Variants in CYREN observed in about 807,000 individuals in gnomAD.
CYREN encodes cell cycle regulator of NHEJ.
In CYREN, 7 loss-of-function variants were observed where a neutral mutation model predicts 9.7. The observed-to-expected ratio is 0.72, with a 90% confidence interval of 0.41 to 1.36. CYREN has a LOEUF of 1.36. CYREN is among the 40% of genes most tolerant of loss of function. The pLI is 0.01. For synonymous variants in CYREN, 76 were observed against 77.9 expected (o/e 0.98, Z 0.13); for missense variants, 215 against 198.1 (o/e 1.09, Z -0.51).
rs186687806 is a variant in CYREN at position 135,129,046 on chromosome 7, T to C, written n.357-34464A>G. On this transcript the variant is annotated intron_variant and non_coding_transcript_variant, in intron 2 of 2. Transcript: ENST00000459937. ...GAAATCCAGATCAGAGATGGCCAGGTTCAATGCCTCAACTGCCCAGAACCA... is the reference window on the plus strand; with the variant it reads ...GAAATCCAGATCAGAGATGGCCAGGCTCAATGCCTCAACTGCCCAGAACCA... 2.5e-6 allele frequency: 4 copies of C among 1,608,688 alleles called. No individual in the cohort carries two copies. The East Asian group carries it at 8.9e-5, about 36-fold the overall frequency.
At chr7:135,162,114 TCTTTA>T (rs1757542790), downstream of CYREN, among the ~76,000 whole-genome samples, 1 of 152,222 alleles carries the variant, frequency 6.6e-6, no homozygotes, top group African/African-American at 2.4e-5. Flanking sequence ...TGTTCCATGT[TCTTTA>T]TTTTCCCCAC....
downstream of CYREN, chr7:135,164,826 G>A (rs770078926): frequency 1.2e-5 from 20 of 1,613,704 alleles, no homozygotes; most frequent in South Asian, 3.3e-5. Flanking sequence ...GCTGCTGGCA[G>A]GCGGCCTGGG....
At chr7:135,172,355 A>G (rs1193552641), upstream of CYREN, among the ~76,000 whole-genome samples, 1 of 149,688 alleles carries the variant, frequency 6.7e-6, no homozygotes, top group Admixed American at 6.7e-5. Context: ...ATTTTTTGGT[A>G]CTCGGATTTT....
At chr7:135,158,139 T>A (rs183533306) in intron 2 of CYREN, among the ~76,000 whole-genome samples, 37 of 152,112 alleles carry the variant, frequency 2.4e-4, no homozygotes, top group Admixed American at 5.9e-4. Context: ...AGCATTAAAC[T>A]CTCAAAATGG....
intron 2 of CYREN, among the ~76,000 whole-genome samples, chr7:135,131,826 A>T (rs993198308): frequency 1.3e-5 from 2 of 152,162 alleles, no homozygotes; most frequent in African/African-American, 4.8e-5. Context: ...AGAAAAAAAG[A>T]CATAAATTAC....
intron 2 of CYREN, among the ~76,000 whole-genome samples, chr7:135,098,628 C>G (rs1182900022): frequency 2.0e-5 from 3 of 152,074 alleles, no homozygotes; most frequent in African/African-American, 7.2e-5. Flanking sequence ...GTAATGTGGG[C>G]TTGATAAGAG....
At chr7:135,153,255 A>G (rs1158205540) in intron 2 of CYREN, 1 of 152,260 alleles carries the variant, frequency 6.6e-6, no homozygotes, top group Non-Finnish European at 1.5e-5. Context: ...GGAGATCGAG[A>G]CCATCCTGGC....
intron 2 of CYREN, among the ~76,000 whole-genome samples, chr7:135,148,989 T>C (rs1446176709): frequency 1.3e-5 from 2 of 152,200 alleles, no homozygotes; most frequent in Non-Finnish European, 2.9e-5. Context: ...ACATATTTCC[T>C]TCTTCCCTCA....
chr7:135,127,968 T>TATAC (rs1828123372), intron 2 of CYREN, among the ~76,000 whole-genome samples: 1 of 152,052 alleles, frequency 6.6e-6, no homozygotes, highest in Admixed American at 6.5e-5. Context: ...AATGTGGCCA[T>TATAC]ATACACCATG....
At chr7:135,118,315 T>C (rs576824956) in intron 2 of CYREN, among the ~76,000 whole-genome samples, 1 of 152,314 alleles carries the variant, frequency 6.6e-6, no homozygotes, top group Admixed American at 6.5e-5. Flanking sequence ...AAGGAACCTC[T>C]TATGAAAGTA....
chr7:135,170,929 C>G (rs1052222650), upstream of CYREN: 3 of 152,238 alleles, frequency 2.0e-5, no homozygotes, highest in Admixed American at 2.0e-4. Flanking sequence ...GGAACGCCAG[C>G]GAGGCAGCGC....
chr7:135,128,747 C>A, intron 2 of CYREN: 2 of 1,366,994 alleles, frequency 1.5e-6, no homozygotes, highest in Admixed American at 1.8e-5. Context: ...ACAGCTCAAG[C>A]CTCTCCCAAC....
chr7:135,130,809 C>T (rs1490204424), intron 2 of CYREN, among the ~76,000 whole-genome samples: 1 of 151,990 alleles, frequency 6.6e-6, no homozygotes, highest in African/African-American at 2.4e-5. Context: ...TTTTTTGCAA[C>T]AGCAGTGTTT....
intron 2 of CYREN, among the ~76,000 whole-genome samples, chr7:135,142,019 CTGT>C (rs1829462588): frequency 6.6e-6 from 1 of 152,006 alleles, no homozygotes; most frequent in Non-Finnish European, 1.5e-5. Flanking sequence ...AATGTATATT[CTGT>C]TGTTGTTGGG....
At chr7:135,123,259 A>C (rs192026341) in intron 2 of CYREN, among the ~76,000 whole-genome samples, 37 of 152,208 alleles carry the variant, frequency 2.4e-4, no homozygotes, top group African/African-American at 8.7e-4. Context: ...CACAAGTATC[A>C]ATAGCCGAAT....
At chr7:135,134,428 C>T (rs1829199957) in intron 2 of CYREN, among the ~76,000 whole-genome samples, 1 of 151,894 alleles carries the variant, frequency 6.6e-6, no homozygotes. Context: ...GATTTTTTTA[C>T]TGGTTATAGA....
chr7:135,099,719 C>A (rs1449008911), intron 2 of CYREN, among the ~76,000 whole-genome samples: 2 of 152,044 alleles, frequency 1.3e-5, no homozygotes, highest in African/African-American at 4.8e-5. Context: ...TCATATTCTA[C>A]ATAGTATCTG....
chr7:135,117,332 A>C (rs1826461071), intron 2 of CYREN, among the ~76,000 whole-genome samples: 1 of 150,770 alleles, frequency 6.6e-6, no homozygotes, highest in African/African-American at 2.4e-5. Context: ...CCTAGACCCT[A>C]TTCATTTTGG....
At chr7:135,113,882 A>T (rs766674861) in intron 2 of CYREN, among the ~76,000 whole-genome samples, 6 of 152,236 alleles carry the variant, frequency 3.9e-5, no homozygotes, top group Non-Finnish European at 8.8e-5. Flanking sequence ...CTAGTCAAAT[A>T]GAATTCTAGT....
Sources: allele counts gnomAD v4.1 joint callset (sites outside exome capture counted in the v4.1 genomes callset), GRCh38; gene constraint gnomAD v4.1.1; transcripts MANE v1.5; gene names NCBI Gene and HGNC (gene_info 2026-07-23, HGNC 2026-07-21).